Variants in ZNF469 observed in about 807,000 individuals in gnomAD.
The protein encoded by ZNF469 is zinc finger protein 469.
ZNF469 carries 1 observed loss-of-function variant against 1.0 expected under a neutral mutation model. The observed-to-expected ratio is 1.00, with a 90% CI of 0.35 to 4.73. The LOEUF (loss-of-function observed/expected upper bound fraction) is 4.73, where lower values mean the gene tolerates loss of function less well. Among genes scored for constraint, ZNF469 ranks in the 30% most tolerant of loss-of-function variants. The probability of loss-of-function intolerance (pLI) is 0.16; values close to 1 mark genes in which losing one functional copy is unlikely to be tolerated. For synonymous variants in ZNF469, 2,703 were observed against 2,363.4 expected, an observed-to-expected ratio of 1.14 and a Z score of -4.17; for missense variants, 6,100 against 5,356.3, an observed-to-expected ratio of 1.14 and a Z score of -4.33.
At chr16:88,394,281 G>A (rs907521521) in intron 1 of ZNF469, among the ~76,000 whole-genome samples, 10 of 151,304 alleles carry the variant, frequency 6.6e-5, no homozygotes, top group Non-Finnish European at 1.2e-4. Flanking sequence ...CCTGAGAGGA[G>A]CAGGGTTTGA....
In ZNF469 at chr16:88,430,232, G is replaced by A. The variant is rs936028681; in HGVS notation, c.2762G>A (p.Arg921Gln). Residue 921 changes from arginine (R) to glutamine (Q), a missense_variant, in exon 3 of 3, where the codon CGA (arginine) becomes CAA (glutamine). By Grantham distance (43) the Arg-to-Gln change is conservative. Coordinates refer to ENST00000565624, the MANE Select transcript of ZNF469 (RefSeq NM_001367624.2). ...PRPGDRGCPA[R>Q]GRPKTRSLGL... ...CCTGGGGACAGGGGCTGCCCAGCCCGAGGCAGGCCCAAAACGCGTTCCCTG... is the reference window on the plus strand; with the variant it reads ...CCTGGGGACAGGGGCTGCCCAGCCCAAGGCAGGCCCAAAACGCGTTCCCTG... The A allele has an allele frequency of 7.8e-6, 12 of 1,534,268 alleles. No individual in the cohort carries two copies. In the Admixed American group the frequency reaches 1.2e-4, roughly 15 times the overall value.
the ZNF469 span, among the ~76,000 whole-genome samples, chr16:88,302,969 G>A: frequency 2.6e-5 from 4 of 152,308 alleles, no homozygotes; most frequent in African/African-American, 9.6e-5. Flanking sequence ...GAACTCAGCA[G>A]TGCCAGCCTC....
the ZNF469 span, among the ~76,000 whole-genome samples, chr16:88,297,889 G>T: frequency 1.3e-5 from 2 of 152,160 alleles, no homozygotes; most frequent in Admixed American, 1.3e-4. Flanking sequence ...ACAGGTGCCG[G>T]TGTGGCTTTT....
the ZNF469 span, among the ~76,000 whole-genome samples, chr16:88,142,123 G>A: frequency 0.019 from 2,937 of 152,334 alleles, 96 homozygotes; most frequent in African/African-American, 0.066. Context: ...ACAACACAGC[G>A]ATGTCCAAGG....
At chr16:88,391,881 G>A (rs1247998137) in intron 1 of ZNF469, among the ~76,000 whole-genome samples, 1 of 152,170 alleles carries the variant, frequency 6.6e-6, no homozygotes, top group Non-Finnish European at 1.5e-5. Flanking sequence ...GAAATAGCTA[G>A]AAAAATTTAG....
At chr16:88,188,378 G>A in the ZNF469 span, among the ~76,000 whole-genome samples, 6 of 152,160 alleles carry the variant, frequency 3.9e-5, no homozygotes, top group African/African-American at 1.2e-4. Flanking sequence ...CTGGGGTGTC[G>A]TACTGTCATC....
upstream of ZNF469, among the ~76,000 whole-genome samples, chr16:88,381,263 C>T (rs1304083165): frequency 6.7e-6 from 1 of 150,228 alleles, no homozygotes; most frequent in African/African-American, 2.5e-5. Context: ...CACACGCACT[C>T]ACACAGACAT....
At chr16:88,377,893 A>G in the ZNF469 span, among the ~76,000 whole-genome samples, 1 of 49,834 alleles carries the variant, frequency 2.0e-5, no homozygotes, top group Admixed American at 2.2e-4. Context: ...TGATGCCAGG[A>G]AAAAAAAATG....
chr16:88,430,928 C>A lies in ZNF469; in HGVS notation c.3458C>A (p.Ala1153Glu). 1 of 1,536,308 alleles carries A rather than the reference C, an allele frequency of 6.5e-7. No individual in the cohort carries two copies. Among genetic ancestry groups the A allele is most frequent in the South Asian group, 1.2e-5 (1 of 83,848 alleles). The change falls in exon 3 of 3, where the codon GCG becomes GAG. Residue 1153 changes from alanine to glutamate, a missense_variant. Ala to Glu is a moderately radical substitution (Grantham distance 107). Transcript: ENST00000565624. ...RQEAGGDGAP[A>E]NPEEPGGSRP... ...GAAGCCGGCGGGGACGGAGCCCCCG[C>A]GAACCCCGAGGAGCCGGGCGGGTCT...
the ZNF469 span, among the ~76,000 whole-genome samples, chr16:88,315,387 G>A: frequency 2.0e-5 from 3 of 152,236 alleles, no homozygotes; most frequent in Admixed American, 1.3e-4. Flanking sequence ...AGTGGGGGCC[G>A]TCATCTTCTC....
At chr16:88,229,595 G>T in the ZNF469 span, among the ~76,000 whole-genome samples, 435 of 89,588 alleles carry the variant, frequency 4.9e-3, 1 homozygote, top group Non-Finnish European at 7.9e-3. Flanking sequence ...CACGCGTGTG[G>T]ATGTCACGCG....
At chr16:88,385,597 C>T (rs1312930619) in intron 1 of ZNF469, among the ~76,000 whole-genome samples, 3 of 150,032 alleles carry the variant, frequency 2.0e-5, no homozygotes, top group East Asian at 3.9e-4. Context: ...TAATGATGAT[C>T]GTGCCACCGC....
chr16:88,165,488 C>T, the ZNF469 span, among the ~76,000 whole-genome samples: 666 of 152,322 alleles, frequency 4.4e-3, 2 homozygotes, highest in Non-Finnish European at 7.3e-3. Context: ...GCTCTGCTGT[C>T]TGAGGCCTTC....
chr16:88,357,025 G>T, the ZNF469 span, among the ~76,000 whole-genome samples: 3 of 152,256 alleles, frequency 2.0e-5, no homozygotes, highest in Admixed American at 2.0e-4. Context: ...GGAGCTGCAG[G>T]GTGCCCGGCC....
the ZNF469 span, among the ~76,000 whole-genome samples, chr16:88,259,042 G>A: frequency 6.6e-6 from 1 of 152,226 alleles, no homozygotes; most frequent in South Asian, 2.1e-4. The surrounding 1 kb of genome is among the most constrained non-coding windows in gnomAD (Gnocchi z 4.1). Context: ...ATTTCCTCTT[G>A]ACCCAGCTTA....
the ZNF469 span, among the ~76,000 whole-genome samples, chr16:88,170,178 T>C: frequency 1.1e-4 from 17 of 152,152 alleles, no homozygotes; most frequent in Admixed American, 9.8e-4. This position sits in a 1 kb window ranked among gnomAD's most constrained non-coding sequence, Gnocchi z 4.2. Flanking sequence ...CAAATGGAAA[T>C]TGAATAGAGT....
At chr16:88,185,767 C>CACAT in the ZNF469 span, among the ~76,000 whole-genome samples, 1,863 of 150,514 alleles carry the variant, frequency 0.012, 71 homozygotes, top group African/African-American at 0.043. Flanking sequence ...CCCACAGACA[C>CACAT]ATTCGCACAC....
At chr16:88,412,983 T>G (rs1905214515) in intron 1 of ZNF469, among the ~76,000 whole-genome samples, 2 of 151,978 alleles carry the variant, frequency 1.3e-5, no homozygotes, top group Admixed American at 6.6e-5. Flanking sequence ...ATGGGAGCCC[T>G]GCGACCCCCA....
the ZNF469 span, among the ~76,000 whole-genome samples, chr16:88,142,990 T>G: frequency 6.6e-6 from 1 of 152,116 alleles, no homozygotes; most frequent in Admixed American, 6.5e-5. Flanking sequence ...GAGGTCTCAG[T>G]TTCTCTGCCT....
Sources: gnomAD v4.1 joint callset for allele counts (sites outside exome capture counted in the v4.1 genomes callset) on GRCh38, gnomAD v4.1.1 for gene constraint, Gnocchi (gnomAD v3.1) non-coding constraint, MANE v1.5 for transcripts, NCBI Gene and HGNC (gene_info 2026-07-23, HGNC 2026-07-21) for gene names.